Variants in TTC21B observed in about 807,000 individuals in gnomAD.
TTC21B encodes the protein tetratricopeptide repeat domain 21B, also known as tetratricopeptide repeat protein 21B.
In TTC21B, 127 loss-of-function variants were observed where a neutral mutation model predicts 175.1. That is an observed-to-expected ratio of 0.73 (90% CI 0.63 to 0.84). The LOEUF (loss-of-function observed/expected upper bound fraction) is 0.84. Ranked by LOEUF, TTC21B falls within the 40% of genes least tolerant of loss-of-function variation. TTC21B has a pLI of 0.00. For missense variants in TTC21B, 1,561 were observed against 1,558.3 expected, an observed-to-expected ratio of 1.00 and a Z score of -0.03; for synonymous variants, 524 against 524.5, an observed-to-expected ratio of 1.00 and a Z score of 0.01.
intron 8 of TTC21B, among the ~76,000 whole-genome samples, chr2:165,930,896 T>C (rs545634711): frequency 6.6e-6 from 1 of 151,914 alleles, no homozygotes; most frequent in Non-Finnish European, 1.5e-5. Context: ...TTGAAAAAAA[T>C]TTCAAGAAAT....
rs1380997103 is a variant in TTC21B, at chr2:165,873,810, C to G, written c.*945G>C. 1 of 152,096 alleles carries G rather than the reference C, an allele frequency of 6.6e-6. No homozygotes were observed. Among genetic ancestry groups the G allele is most frequent in the African/African-American group, 2.4e-5 (1 of 41,430 alleles). 9.4% of individuals were successfully genotyped at this position (152,096 alleles called of 1,614,324 possible). A position where few individuals can be genotyped will look rare whatever the true frequency, so the allele number is the denominator to read the frequency against. On this transcript the variant is annotated 3_prime_UTR_variant, in exon 29 of 29. Transcript: ENST00000243344. ...AGGGAAACACACACTCTACCCTTTT[C>G]TAAAAAAGATTTTTCAATGAAAGTT... is the stretch of plus-strand genomic sequence containing the variant.
rs746342325 is a variant in TTC21B at position 165,945,519 on chromosome 2, G to A, written c.429+5C>T. The A allele has an allele frequency of 5.0e-6, 8 of 1,611,918 alleles. No homozygotes were observed. The highest frequency in any genetic ancestry group is 1.3e-5 in the African/African-American group (1 of 74,980). Reference sequence around the variant, plus strand: ...TTATTATTTTAAACTCAGAAAAATAGCTACCTGTTTACTACCATCTGATAT... The same window carrying A: ...TTATTATTTTAAACTCAGAAAAATAACTACCTGTTTACTACCATCTGATAT... On this transcript the variant is annotated splice_donor_5th_base_variant and intron_variant, in intron 4 of 28. Transcript: ENST00000243344.
In TTC21B at chr2:165,927,330, T is replaced by C. The variant is rs1308124155; in HGVS notation, c.1386+1805A>G. The stretch of plus-strand genomic sequence containing the variant: ...TATTATATATTATATAATATATATA[T>C]AATATATAATATATATATAATATAT... On this transcript the variant is annotated intron_variant, in intron 11 of 28. Coordinates refer to ENST00000243344, the MANE Select transcript of TTC21B (RefSeq NM_024753.5). Among the ~76,000 whole-genome samples, 4 of 90,116 alleles carry C rather than the reference T, an allele frequency of 4.4e-5. 1 individual carries two copies. In the East Asian group the frequency reaches 1.0e-3, roughly 23 times the overall value. The allele number at this position is 90,116 out of a possible 152,430, so 59.1% of individuals were successfully genotyped here. A position where few individuals can be genotyped will look rare whatever the true frequency, so the allele number is the denominator to read the frequency against.
At chr2:165,917,512 G>C in intron 13 of TTC21B, 31 bp from the exon 14 acceptor site, 1 of 1,528,986 alleles carries the variant, frequency 6.5e-7, no homozygotes, top group Non-Finnish European at 9.0e-7. Flanking sequence ...TTTCCTTGGA[G>C]TGCTTACAAC....
intron 28 of TTC21B, 48 bp downstream of exon 28, chr2:165,876,117 A>G: frequency 9.0e-7 from 1 of 1,106,712 alleles, no homozygotes; most frequent in Non-Finnish European, 1.4e-6. Flanking sequence ...AAAAAGTAGG[A>G]AATTGTGCAT....
chr2:165,926,904 C>T (rs1310926376), intron 11 of TTC21B, among the ~76,000 whole-genome samples: 1 of 149,342 alleles, frequency 6.7e-6, no homozygotes, highest in African/African-American at 2.5e-5. Flanking sequence ...GGCTTACAGA[C>T]AGCCTATTGT....
chr2:165,876,546 A>G (rs1411355524), intron 27 of TTC21B, among the ~76,000 whole-genome samples: 1 of 152,248 alleles, frequency 6.6e-6, no homozygotes, highest in Admixed American at 6.5e-5. Context: ...GGTTATAGTA[A>G]AAACTCATCA....
intron 3 of TTC21B, chr2:165,947,354 TC>T (rs1687615911): frequency 6.6e-6 from 1 of 151,146 alleles, no homozygotes; most frequent in African/African-American, 2.4e-5. Context: ...ATGTGACTCT[TC>T]CTTTCAACTC....
chr2:165,901,824 T>A lies in TTC21B; in HGVS notation c.2655A>T (p.Glu885Asp). The change falls in exon 20 of 29, where the codon GAA becomes GAT. Residue 885 changes from glutamate to aspartate, a missense_variant. Glu to Asp is a conservative substitution (Grantham distance 45, BLOSUM62 2). Transcript: ENST00000243344. ...AVPAQKHLAA[E>D]ICAEIAKHSV... ...AATGTTTTGCAATCTCTGCACAAAT[T>A]TCAGCTGCTAAATGTTTCTGTGCAG... 6.2e-7 allele frequency: 1 copy of A among 1,614,150 alleles called. No individual in the cohort carries two copies. Among genetic ancestry groups the A allele is most frequent in the East Asian group, 2.2e-5 (1 of 44,870 alleles).
intron 8 of TTC21B, among the ~76,000 whole-genome samples, chr2:165,931,549 T>C (rs74764858): frequency 0.018 from 2,797 of 152,282 alleles, 124 homozygotes; most frequent in Admixed American, 0.1. Flanking sequence ...AAAAGATCAG[T>C]AAGTGGCATT....
intron 19 of TTC21B, among the ~76,000 whole-genome samples, chr2:165,904,017 G>T (rs1445257479): frequency 6.6e-6 from 1 of 152,040 alleles, no homozygotes; most frequent in Non-Finnish European, 1.5e-5. Flanking sequence ...TATAGTTTGG[G>T]GTGCTGGCAT....
chr2:165,932,962 A>G lies in TTC21B; in HGVS notation c.795+11T>C, dbSNP rs761191984. ...TAATATAGGAAACTTAAATAATACA[A>G]TGCCACTTACCTTCTCTATATCCCC... On this transcript the variant is annotated intron_variant, in intron 7 of 28. Transcript: ENST00000243344. The G allele has an allele frequency of 1.2e-6, 2 of 1,608,634 alleles. No homozygotes were observed. The highest frequency in any genetic ancestry group is 2.2e-5 in the South Asian group (2 of 90,810).
chr2:165,891,481 A>G (rs577050871), intron 22 of TTC21B, among the ~76,000 whole-genome samples: 1 of 152,288 alleles, frequency 6.6e-6, no homozygotes, highest in East Asian at 1.9e-4. Context: ...TGATATGTAC[A>G]TGTAGCTAAC....
At chr2:165,949,123 T>C in intron 3 of TTC21B, 1 of 414,002 alleles carries the variant, frequency 2.4e-6, no homozygotes, top group African/African-American at 2.0e-5. Flanking sequence ...TGTGTAACAA[T>C]TACTAATATA....
intron 25 of TTC21B, among the ~76,000 whole-genome samples, chr2:165,885,808 G>A (rs953304229): frequency 3.3e-5 from 5 of 152,194 alleles, no homozygotes; most frequent in Non-Finnish European, 7.3e-5. Context: ...CCCTGCATTA[G>A]GTCTTTTTTT....
chr2:165,920,799 T>TATTTTAAATATTTAAAATATTTTGA (rs1686369911), intron 12 of TTC21B, among the ~76,000 whole-genome samples: 1 of 151,908 alleles, frequency 6.6e-6, no homozygotes, highest in Non-Finnish European at 1.5e-5. Flanking sequence ...TTTTGAAGGA[T>TATTTTAAATATTTAAAATATTTTGA]ACTAAATATT....
chr2:165,939,222 G>A (rs1036146), intron 6 of TTC21B, among the ~76,000 whole-genome samples: 44,625 of 151,964 alleles, frequency 0.29, 7,482 homozygotes, highest in Non-Finnish European at 0.39. Flanking sequence ...AATGATAGAC[G>A]ATCTTAGCAA....
Position 165,880,793 on chromosome 2 carries a change from A to C in TTC21B, c.3691T>G (p.Cys1231Gly), listed in dbSNP as rs753271213. ...KRCLRHNRSC[C>G]KAYEYMGYIM... is the part of the protein sequence containing the mutation. The stretch of plus-strand genomic sequence containing the variant: ...TATCCCATATATTCATAAGCTTTGC[A>C]GCAAGACTGAAGAAAAATGGGAGAC... Residue 1231 changes from cysteine (C) to glycine (G), a missense_variant, in exon 27 of 29, where the codon TGC (cysteine) becomes GGC (glycine). Coordinates refer to ENST00000243344, the MANE Select transcript of TTC21B (RefSeq NM_024753.5). 1 of 1,612,400 alleles carries C rather than the reference A, an allele frequency of 6.2e-7. No homozygotes were observed. The highest frequency in any genetic ancestry group is 8.5e-7 in the Non-Finnish European group (1 of 1,179,504).
intron 12 of TTC21B, among the ~76,000 whole-genome samples, chr2:165,922,960 AT>A (rs1462949792): frequency 5.9e-5 from 9 of 152,238 alleles, no homozygotes; most frequent in African/African-American, 2.2e-4. Flanking sequence ...ACTGGAGGCC[AT>A]TAATATAAAT....
Sources: allele counts gnomAD v4.1 joint callset (sites outside exome capture counted in the v4.1 genomes callset), GRCh38; gene constraint gnomAD v4.1.1; transcripts MANE v1.5; gene names NCBI Gene and HGNC (gene_info 2026-07-23, HGNC 2026-07-21).